Variants in L3MBTL4 observed in about 807,000 individuals in gnomAD.
L3MBTL4 encodes the protein L3MBTL histone methyl-lysine binding protein 4, also known as lethal(3)malignant brain tumor-like protein 4.
A neutral mutation model predicts 84.5 loss-of-function variants in L3MBTL4; 70 were observed. The ratio of observed to expected loss-of-function variants is 0.83; its 90% CI spans 0.68 to 1.01. The LOEUF (loss-of-function observed/expected upper bound fraction) is 1.01. L3MBTL4 is among the 50% of genes least tolerant of loss of function. The pLI is 0.00. For missense variants in L3MBTL4, 715 were observed against 754.8 expected (o/e 0.95, Z 0.62); for synonymous variants, 274 against 259.8 (o/e 1.05, Z -0.52).
intron 18 of L3MBTL4, among the ~76,000 whole-genome samples, chr18:5,959,057 T>A (rs1326924299): frequency 6.6e-6 from 1 of 152,190 alleles, no homozygotes; most frequent in Non-Finnish European, 1.5e-5. Flanking sequence ...ACTGAGGCTA[T>A]CTGACCTTGA....
At chr18:6,225,779 A>G (rs2046758465) in intron 10 of L3MBTL4, among the ~76,000 whole-genome samples, 1 of 151,954 alleles carries the variant, frequency 6.6e-6, no homozygotes. Context: ...TAGGAACTAC[A>G]GTAGACTTCT....
At chr18:6,161,663 A>AT (rs2043342888) in intron 13 of L3MBTL4, among the ~76,000 whole-genome samples, 2 of 152,248 alleles carry the variant, frequency 1.3e-5, no homozygotes, top group Admixed American at 1.3e-4. Flanking sequence ...CACTTGTGCC[A>AT]TTTTCACCTC....
intron 5 of L3MBTL4, chr18:6,259,679 A>G (rs191570990): frequency 6.6e-6 from 1 of 151,036 alleles, no homozygotes; most frequent in East Asian, 2.0e-4. Flanking sequence ...TAGATTCTGG[A>G]TATATTAGAT....
intron 14 of L3MBTL4, among the ~76,000 whole-genome samples, chr18:6,098,257 G>A (rs775619595): frequency 2.2e-4 from 34 of 152,246 alleles, no homozygotes; most frequent in Middle Eastern, 6.8e-3. Context: ...AAGTTGTCAC[G>A]ACTTACCTAA....
rs80251008 is a variant in L3MBTL4 at position 6,112,166 on chromosome 18, C to G, written c.1200-18638G>C. On this transcript the variant is annotated intron_variant, in intron 14 of 18. Transcript: ENST00000317931. The stretch of plus-strand genomic sequence containing the variant: ...TAAACAACTTCCTGACTACTGCAAA[C>G]GCACACACACACGCACACACATCAA... Among the ~76,000 whole-genome samples the G allele has an allele frequency of 1.4e-3, 210 of 152,228 alleles. 2 individuals are homozygous for G. The East Asian group carries it at 0.032, about 23-fold the overall frequency.
intron 16 of L3MBTL4, among the ~76,000 whole-genome samples, chr18:6,034,074 C>T (rs951386824): frequency 6.6e-6 from 1 of 152,022 alleles, no homozygotes; most frequent in East Asian, 1.9e-4. Context: ...GCATTTCTTG[C>T]AGGGCACGTC....
At chr18:6,006,169 T>C (rs1009354986) in intron 16 of L3MBTL4, among the ~76,000 whole-genome samples, 4 of 152,188 alleles carry the variant, frequency 2.6e-5, no homozygotes, top group Admixed American at 6.5e-5. Flanking sequence ...CCATTAGTGC[T>C]TCTGGAGGAT....
chr18:6,361,262 G>A (rs1406634126), intron 1 of L3MBTL4, among the ~76,000 whole-genome samples: 2 of 152,052 alleles, frequency 1.3e-5, no homozygotes, highest in East Asian at 3.9e-4. Context: ...CTCAAACACA[G>A]ATCTTCTCAC....
At chr18:6,111,554 T>G (rs2059196335) in intron 14 of L3MBTL4, among the ~76,000 whole-genome samples, 2 of 152,102 alleles carry the variant, frequency 1.3e-5, no homozygotes, top group South Asian at 4.1e-4. Flanking sequence ...AGATGGAGAA[T>G]CCAAGAGGAA....
intron 16 of L3MBTL4, among the ~76,000 whole-genome samples, chr18:6,022,350 C>T (rs775961369): frequency 2.8e-4 from 42 of 152,136 alleles, no homozygotes; most frequent in Non-Finnish European, 5.6e-4. Context: ...CCTCCTTTTG[C>T]CCAGACCTCA....
intron 13 of L3MBTL4, among the ~76,000 whole-genome samples, chr18:6,165,487 C>A (rs1286958403): frequency 2.6e-5 from 4 of 152,214 alleles, no homozygotes; most frequent in Non-Finnish European, 5.9e-5. Flanking sequence ...GATCTCTCGG[C>A]AGAAATTCTA....
chr18:6,318,030 G>T (rs576857623), intron 1 of L3MBTL4, among the ~76,000 whole-genome samples: 10 of 152,064 alleles, frequency 6.6e-5, no homozygotes, highest in Non-Finnish European at 1.3e-4. Context: ...GAGAAATAAA[G>T]TCATTTTCAG....
intron 14 of L3MBTL4, among the ~76,000 whole-genome samples, chr18:6,106,003 TAA>T (rs1454244041): frequency 6.6e-6 from 1 of 152,194 alleles, no homozygotes; most frequent in Non-Finnish European, 1.5e-5. Context: ...TACCCTGAAT[TAA>T]GTTTCCTTTA....
intron 16 of L3MBTL4, chr18:6,032,275 C>T: frequency 2.1e-6 from 2 of 941,396 alleles, no homozygotes; most frequent in Non-Finnish European, 2.5e-6. Flanking sequence ...CCGCACTCGG[C>T]CTTAAATTAA....
At chr18:5,963,420 C>T (rs530593748) in intron 17 of L3MBTL4, among the ~76,000 whole-genome samples, 7 of 152,308 alleles carry the variant, frequency 4.6e-5, no homozygotes, top group African/African-American at 1.7e-4. Flanking sequence ...TAAACCAAAG[C>T]GTCAACAGAG....
chr18:6,043,220 C>T (rs1329223629), intron 16 of L3MBTL4, among the ~76,000 whole-genome samples: 1 of 152,286 alleles, frequency 6.6e-6, no homozygotes, highest in East Asian at 1.9e-4. Context: ...CAATGTGTAT[C>T]TGTTCTGTCC....
chr18:6,409,231 C>T (rs548911957), intron 1 of L3MBTL4, among the ~76,000 whole-genome samples: 22 of 152,258 alleles, frequency 1.4e-4, no homozygotes, highest in African/African-American at 5.1e-4. Flanking sequence ...TAACCTATAT[C>T]CATTAATACA....
chr18:6,143,542 C>T (rs1027741227), intron 13 of L3MBTL4, among the ~76,000 whole-genome samples: 1 of 152,136 alleles, frequency 6.6e-6, no homozygotes, highest in African/African-American at 2.4e-5. Flanking sequence ...ATAAAGGAAA[C>T]CTACCATCAA....
intron 15 of L3MBTL4, among the ~76,000 whole-genome samples, chr18:6,081,511 T>C (rs1177617264): frequency 6.6e-6 from 1 of 152,250 alleles, no homozygotes; most frequent in Non-Finnish European, 1.5e-5. Context: ...TGGAAGTTTC[T>C]ACAATAAAAC....
Sources: allele counts gnomAD v4.1 joint callset (sites outside exome capture counted in the v4.1 genomes callset), GRCh38; gene constraint gnomAD v4.1.1; transcripts MANE v1.5; gene names NCBI Gene and HGNC (gene_info 2026-07-23, HGNC 2026-07-21).